The following PLCE1 variants were observed in gnomAD, a reference collection of about 807,000 sequenced individuals.
PLCE1 encodes the protein 1-phosphatidylinositol 4,5-bisphosphate phosphodiesterase epsilon-1.
PLCE1 carries 119 observed loss-of-function variants against 242.8 expected under a neutral mutation model. The observed-to-expected ratio is 0.49, with a 90% CI of 0.42 to 0.57. PLCE1 has a LOEUF of 0.57. Ranked by LOEUF, PLCE1 falls within the 20% of genes least tolerant of loss-of-function variation. The pLI, the probability that PLCE1 is intolerant of heterozygous loss-of-function variation, is 0.00. For synonymous variants in PLCE1, 945 were observed against 1,017.4 expected, an observed-to-expected ratio of 0.93 and a Z score of 1.35; for missense variants, 2,441 against 2,788.8, an observed-to-expected ratio of 0.88 and a Z score of 2.81.
chr10:93,994,542 A>C (rs2060783707), intron 1 of PLCE1, among the ~76,000 whole-genome samples: 1 of 152,216 alleles, frequency 6.6e-6, no homozygotes, highest in South Asian at 2.1e-4. Flanking sequence ...GGCCAGTGCA[A>C]AGAAAAACGT....
At chr10:94,242,028 GT>G (rs1320948649) in intron 7 of PLCE1, among the ~76,000 whole-genome samples, 1 of 152,164 alleles carries the variant, frequency 6.6e-6, no homozygotes, top group Non-Finnish European at 1.5e-5. Context: ...GCTCAGAGAG[GT>G]TGAGTGTTTT....
At chr10:94,100,102 T>C (rs1401409088) in intron 2 of PLCE1, 1 of 152,200 alleles carries the variant, frequency 6.6e-6, no homozygotes, top group Non-Finnish European at 1.5e-5. Flanking sequence ...CTTCTTTGCA[T>C]CTCACTTTCT....
In PLCE1 at chr10:94,019,894, C is replaced by T. The variant is rs116515003; in HGVS notation, c.-364-10789C>T. ...AGAATTTAGTTTTATGAATATACTA[C>T]AAGTTATTTATTTGTCTGCTGGTAG... On this transcript the variant is annotated intron_variant, in intron 1 of 32. Transcript: ENST00000371380. 3.4e-3 allele frequency among the ~76,000 whole-genome samples: 514 copies of T among 152,184 alleles called. 1 individual carries two copies. Among genetic ancestry groups the T allele is most frequent in the African/African-American group, 0.012 (480 of 41,512 alleles).
chr10:94,000,370 G>A (rs754304416), intron 1 of PLCE1, among the ~76,000 whole-genome samples: 5 of 152,230 alleles, frequency 3.3e-5, no homozygotes, highest in Non-Finnish European at 5.9e-5. Flanking sequence ...TACTTGGCCT[G>A]TTTGGGCCTA....
chr10:94,002,658 T>G (rs1397250920), intron 1 of PLCE1, among the ~76,000 whole-genome samples: 15 of 152,198 alleles, frequency 9.9e-5, no homozygotes, highest in Admixed American at 9.8e-4. Flanking sequence ...TATCCAATAC[T>G]TACAATTGAG....
intron 4 of PLCE1, among the ~76,000 whole-genome samples, chr10:94,194,234 G>A (rs976883987): frequency 6.6e-6 from 1 of 152,160 alleles, no homozygotes; most frequent in Non-Finnish European, 1.5e-5. Flanking sequence ...AATTTGCCTA[G>A]TTTCTGCCAT....
chr10:94,227,485 C>CA, intron 5 of PLCE1, 34 bp downstream of exon 5: 1 of 1,596,548 alleles, frequency 6.3e-7, no homozygotes, highest in Non-Finnish European at 8.6e-7. Context: ...TATCTTGGCA[C>CA]AATCGCTTCT....
At chr10:94,269,753 C>T (rs1426417602) in intron 17 of PLCE1, among the ~76,000 whole-genome samples, 1 of 152,142 alleles carries the variant, frequency 6.6e-6, no homozygotes, top group Non-Finnish European at 1.5e-5. Context: ...AAATAGTTAG[C>T]ATTATAATGT....
chr10:94,216,178 T>A (rs1331840432), intron 4 of PLCE1, among the ~76,000 whole-genome samples: 6 of 152,230 alleles, frequency 3.9e-5, no homozygotes. Flanking sequence ...GTAGACTCTG[T>A]AAAAGCATTT....
chr10:94,055,737 T>G (rs1241708347), intron 2 of PLCE1, among the ~76,000 whole-genome samples: 1 of 152,196 alleles, frequency 6.6e-6, no homozygotes, highest in Non-Finnish European at 1.5e-5. Flanking sequence ...CATAAAGTAT[T>G]GATGGTAATG....
chr10:94,103,467 A>G (rs2045613719), intron 2 of PLCE1, among the ~76,000 whole-genome samples: 1 of 152,212 alleles, frequency 6.6e-6, no homozygotes, highest in Non-Finnish European at 1.5e-5. Flanking sequence ...TTGATCCAGA[A>G]AAAAAGCACG....
At chr10:94,044,321 A>C (rs2061835868) in intron 2 of PLCE1, among the ~76,000 whole-genome samples, 2 of 152,176 alleles carry the variant, frequency 1.3e-5, no homozygotes, top group South Asian at 4.1e-4. Flanking sequence ...CATTATGCAC[A>C]ATGTCTCAAC....
At chr10:94,049,962 C>G (rs561367790) in intron 2 of PLCE1, among the ~76,000 whole-genome samples, 1 of 152,160 alleles carries the variant, frequency 6.6e-6, no homozygotes, top group East Asian at 1.9e-4. Context: ...ATTCTCATTG[C>G]TATTTCCCAT....
intron 2 of PLCE1, among the ~76,000 whole-genome samples, chr10:94,095,126 T>A (rs1303552067): frequency 6.6e-6 from 1 of 152,204 alleles, no homozygotes; most frequent in Non-Finnish European, 1.5e-5. Context: ...AGCTGGCTCC[T>A]TTCTAGAGAG....
At chr10:94,192,868 C>T (rs539937667) in intron 4 of PLCE1, among the ~76,000 whole-genome samples, 9 of 151,644 alleles carry the variant, frequency 5.9e-5, no homozygotes, top group Non-Finnish European at 1.3e-4. Context: ...AATCAGTCTA[C>T]GGCCATCCCA....
At chr10:94,311,179 C>T (rs1009153103) in intron 27 of PLCE1, among the ~76,000 whole-genome samples, 6 of 152,160 alleles carry the variant, frequency 3.9e-5, no homozygotes, top group Admixed American at 3.9e-4. Context: ...CTCTCGGAAC[C>T]CCATCATTTA....
rs989699520 is a variant in PLCE1, at chr10:93,994,191, C to T, written c.-432C>T. 1.3e-5 allele frequency among the ~76,000 whole-genome samples: 2 copies of T among 152,174 alleles called. No homozygotes were observed. Among genetic ancestry groups the T allele is most frequent in the African/African-American group, 4.8e-5 (2 of 41,452 alleles). On this transcript the variant is annotated 5_prime_UTR_variant, in exon 1 of 33. Coordinates refer to ENST00000371380, the MANE Select transcript of PLCE1 (RefSeq NM_016341.4). ...CACCCGACGCCGCTAGCGACAGGCG[C>T]GCGGACGGCTGGTCCCAGAGGGACG... is the stretch of plus-strand genomic sequence containing the variant.
At chr10:94,049,082 A>G (rs531538881) in intron 2 of PLCE1, among the ~76,000 whole-genome samples, 12 of 152,148 alleles carry the variant, frequency 7.9e-5, no homozygotes, top group Non-Finnish European at 1.5e-4. Flanking sequence ...TCTTAATATT[A>G]TCTTTTTTTG....
intron 3 of PLCE1, among the ~76,000 whole-genome samples, chr10:94,152,360 T>C (rs965491084): frequency 1.3e-5 from 2 of 152,250 alleles, no homozygotes; most frequent in East Asian, 3.8e-4. Context: ...AAGTATACAA[T>C]GAGTACTAAA....
Sources: allele counts gnomAD v4.1 joint callset (sites outside exome capture counted in the v4.1 genomes callset), GRCh38; gene constraint gnomAD v4.1.1; transcripts MANE v1.5; gene names NCBI Gene and HGNC (gene_info 2026-07-23, HGNC 2026-07-21).